The following CACNA2D1 variants were observed in gnomAD, a reference collection of about 807,000 sequenced individuals.
CACNA2D1 encodes voltage-dependent calcium channel subunit alpha-2/delta-1.
CACNA2D1 carries 53 observed loss-of-function variants against 171.5 expected under a neutral mutation model. The ratio of observed to expected loss-of-function variants is 0.31; its 90% CI spans 0.25 to 0.39. The LOEUF (loss-of-function observed/expected upper bound fraction) is 0.39, where lower values mean the gene tolerates loss of function less well. Ranked by LOEUF, CACNA2D1 falls within the 10% of genes least tolerant of loss-of-function variation. The probability of loss-of-function intolerance (pLI) is 1.00; values close to 1 mark genes in which losing one functional copy is unlikely to be tolerated. For missense variants in CACNA2D1, 903 were observed against 1,299.8 expected (o/e 0.69, Z 4.69); for synonymous variants, 442 against 443.1 (o/e 1.00, Z 0.03).
chr7:82,192,035 A>T (rs1314490384), intron 3 of CACNA2D1, among the ~76,000 whole-genome samples: 1 of 151,720 alleles, frequency 6.6e-6, no homozygotes, highest in Non-Finnish European at 1.5e-5. Flanking sequence ...TCATGCATCT[A>T]AAAAAATGTT....
chr7:82,120,307 A>G (rs1789567597), intron 5 of CACNA2D1, among the ~76,000 whole-genome samples: 1 of 152,190 alleles, frequency 6.6e-6, no homozygotes, highest in Non-Finnish European at 1.5e-5. Flanking sequence ...CTCTAAATAC[A>G]TCCTGGTTTT....
intron 3 of CACNA2D1, among the ~76,000 whole-genome samples, chr7:82,222,898 C>CT (rs796527774): frequency 0.012 from 1,548 of 124,466 alleles, 18 homozygotes; most frequent in African/African-American, 0.035. Context: ...TTCTTTCTTT[C>CT]TTTTTTTTTT....
intron 3 of CACNA2D1, among the ~76,000 whole-genome samples, chr7:82,221,740 T>A (rs776861296): frequency 1.4e-5 from 2 of 145,454 alleles, no homozygotes; most frequent in African/African-American, 5.1e-5. Context: ...TGAGACTCCA[T>A]CTCAAAGAAG....
At chr7:82,149,263 A>C (rs1455426968) in intron 4 of CACNA2D1, among the ~76,000 whole-genome samples, 1 of 152,150 alleles carries the variant, frequency 6.6e-6, no homozygotes, top group African/African-American at 2.4e-5. Context: ...TTAATATTCC[A>C]CAGACAAGAT....
At chr7:82,208,263 A>G (rs1443812831) in intron 3 of CACNA2D1, among the ~76,000 whole-genome samples, 3 of 152,176 alleles carry the variant, frequency 2.0e-5, no homozygotes, top group Non-Finnish European at 4.4e-5. Context: ...TGTAAATAAT[A>G]TACATTAACG....
intron 6 of CACNA2D1, among the ~76,000 whole-genome samples, chr7:82,096,817 A>T (rs1811926569): frequency 6.6e-6 from 1 of 152,028 alleles, no homozygotes. Flanking sequence ...ATATTTAATC[A>T]TTTTTAAAAA....
intron 3 of CACNA2D1, among the ~76,000 whole-genome samples, chr7:82,306,976 A>G (rs1292165485): frequency 1.3e-5 from 2 of 152,090 alleles, no homozygotes; most frequent in African/African-American, 4.8e-5. Context: ...TGTGTTCTCA[A>G]CAGCCTGCTT....
chr7:82,399,298 G>T (rs917276628), intron 1 of CACNA2D1, among the ~76,000 whole-genome samples: 3 of 152,016 alleles, frequency 2.0e-5, no homozygotes, highest in Admixed American at 1.3e-4. Context: ...AAATTAGCCA[G>T]GCGTGGTGGG....
rs563542723 is a variant in CACNA2D1, at chr7:82,267,822, G to A, written c.294+67313C>T. On this transcript the variant is annotated intron_variant, in intron 3 of 38. Coordinates refer to ENST00000356860, the MANE Select transcript of CACNA2D1 (RefSeq NM_000722.4). ...ATCCTGGCTAACACGGTGAAACCCC[G>A]TCTCTACTAAAAATACAAAAAGAAA... is the stretch of plus-strand genomic sequence containing the variant. Among the ~76,000 whole-genome samples, 9 of 152,094 alleles carry A rather than the reference G, an allele frequency of 5.9e-5. No homozygotes were observed. In the East Asian group the frequency reaches 9.7e-4, roughly 16 times the overall value.
chr7:82,333,677 G>C (rs951786266), intron 3 of CACNA2D1, among the ~76,000 whole-genome samples: 4 of 151,630 alleles, frequency 2.6e-5, no homozygotes, highest in African/African-American at 9.7e-5. Flanking sequence ...TGAGGACACA[G>C]CCAAACCACA....
At chr7:82,062,400 T>C (rs989496130) in intron 9 of CACNA2D1, among the ~76,000 whole-genome samples, 14 of 152,140 alleles carry the variant, frequency 9.2e-5, no homozygotes, top group African/African-American at 3.4e-4. Context: ...CCTTTGAAAA[T>C]ATGAGCCATG....
Position 82,141,127 on chromosome 7 carries a change from T to C in CACNA2D1, c.355-4451A>G, listed in dbSNP as rs73155567. 3.2e-3 allele frequency among the ~76,000 whole-genome samples: 483 copies of C among 152,284 alleles called. 13 individuals carry two copies. The highest frequency in any genetic ancestry group is 4.6e-3 in the Non-Finnish European group (313 of 68,022). ...AATTCATTTAAAGCTATCTTTTTGCTATTTAGAAATATATATTAAGATATG... is the reference window on the plus strand; with the variant it reads ...AATTCATTTAAAGCTATCTTTTTGCCATTTAGAAATATATATTAAGATATG... On this transcript the variant is annotated intron_variant, in intron 4 of 38. Transcript: ENST00000356860.
intron 5 of CACNA2D1, 109 bp downstream of exon 5, chr7:82,136,526 G>A (rs2129078084): frequency 1.3e-6 from 1 of 784,090 alleles, no homozygotes; most frequent in South Asian, 1.7e-5. Flanking sequence ...TGCTCATGCA[G>A]TCTAACATTG....
chr7:81,956,203 A>ACCTCAGGTGATGCACCCACCTCGGCCTCC (rs1793318232), intron 38 of CACNA2D1, among the ~76,000 whole-genome samples: 2 of 151,430 alleles, frequency 1.3e-5, no homozygotes, highest in South Asian at 4.2e-4. Flanking sequence ...CGAACTCCTG[A>ACCTCAGGTGATGCACCCACCTCGGCCTCC]CCTCAGGTGA....
intron 27 of CACNA2D1, 44 bp from the exon 28 acceptor site, chr7:81,970,028 G>T: frequency 8.9e-7 from 1 of 1,118,880 alleles, no homozygotes; most frequent in Non-Finnish European, 1.4e-6. Context: ...TAATCTACCT[G>T]ATAACCTACT....
intron 1 of CACNA2D1, among the ~76,000 whole-genome samples, chr7:82,425,088 G>T (rs1014906310): frequency 1.1e-4 from 16 of 152,236 alleles, no homozygotes; most frequent in Admixed American, 3.3e-4. Context: ...AAGGTAACAC[G>T]ATTCTGCAGA....
At chr7:82,048,892 A>G (rs953008637) in intron 10 of CACNA2D1, among the ~76,000 whole-genome samples, 1 of 152,100 alleles carries the variant, frequency 6.6e-6, no homozygotes, top group Non-Finnish European at 1.5e-5. Context: ...AAATAAGTCA[A>G]TAACTTTTAT....
intron 3 of CACNA2D1, among the ~76,000 whole-genome samples, chr7:82,326,877 C>T (rs763619572): frequency 3.9e-5 from 6 of 152,090 alleles, no homozygotes; most frequent in Admixed American, 2.0e-4. Context: ...TCTCAAATAT[C>T]CTTGATGTTT....
chr7:82,266,390 G>A (rs957612049), intron 3 of CACNA2D1, among the ~76,000 whole-genome samples: 1 of 152,140 alleles, frequency 6.6e-6, no homozygotes, highest in African/African-American at 2.4e-5. Context: ...AAAATTTCAT[G>A]AAAATGGTTG....
Sources: gnomAD v4.1 joint callset for allele counts (sites outside exome capture counted in the v4.1 genomes callset) on GRCh38, gnomAD v4.1.1 for gene constraint, MANE v1.5 for transcripts, NCBI Gene and HGNC (gene_info 2026-07-23, HGNC 2026-07-21) for gene names.